Variants in DPP6 observed in about 807,000 individuals in gnomAD.
DPP6 encodes the protein dipeptidyl peptidase like 6.
Under a neutral mutation model 122.6 loss-of-function variants are expected in DPP6, and 69 were observed. The ratio of observed to expected loss-of-function variants is 0.56; its 90% CI spans 0.46 to 0.69. The LOEUF (loss-of-function observed/expected upper bound fraction) is 0.69. Ranked by LOEUF, DPP6 falls within the 30% of genes least tolerant of loss-of-function variation. The pLI is 0.00. For synonymous variants in DPP6, 418 were observed against 433.1 expected (o/e 0.97, Z 0.43); for missense variants, 928 against 1,116.9 (o/e 0.83, Z 2.41).
rs10228649 is a variant in DPP6, at chr7:154,818,017, T to G, written c.1666+10905T>G. On this transcript the variant is annotated intron_variant, in intron 16 of 25. Coordinates refer to ENST00000377770, the MANE Select transcript of DPP6 (RefSeq NM_130797.4). ...ACATGGTGAGACTTCAGATTCCATA[T>G]TATCCAAGATGACATACATTTGGAA... Among the ~76,000 whole-genome samples the G allele has an allele frequency of 8.9e-3, 1,362 of 152,294 alleles. 19 individuals carry two copies. Among genetic ancestry groups the G allele is most frequent in the African/African-American group, 0.031 (1,287 of 41,554 alleles).
intron 1 of DPP6, among the ~76,000 whole-genome samples, chr7:154,082,190 CTGAATAAATGAA>C (rs1388329000): frequency 3.9e-5 from 6 of 152,130 alleles, no homozygotes; most frequent in Non-Finnish European, 7.3e-5. Context: ...TCGACCATGG[CTGAATAAATGAA>C]TGAATAAACC....
intron 1 of DPP6, among the ~76,000 whole-genome samples, chr7:154,152,857 T>G (rs967040383): frequency 2.6e-5 from 4 of 152,224 alleles, no homozygotes; most frequent in Non-Finnish European, 5.9e-5. Flanking sequence ...AGCCCTTGAC[T>G]TGCCGGAGTT....
chr7:154,716,685 A>AAG (rs1339279437), intron 7 of DPP6, among the ~76,000 whole-genome samples: 1 of 134,288 alleles, frequency 7.4e-6, no homozygotes, highest in African/African-American at 3.8e-5. Context: ...TTTACTCAAA[A>AAG]AGAGAGCATT....
intron 1 of DPP6, among the ~76,000 whole-genome samples, chr7:154,272,968 A>T (rs990126900): frequency 1.7e-4 from 26 of 152,176 alleles, no homozygotes; most frequent in African/African-American, 6.3e-4. Context: ...TGACAGTGGG[A>T]TTCACACATT....
chr7:154,783,723 T>A (rs147398496), intron 10 of DPP6, among the ~76,000 whole-genome samples: 2 of 152,296 alleles, frequency 1.3e-5, no homozygotes, highest in African/African-American at 4.8e-5. Flanking sequence ...TTGACAGGCA[T>A]CTGCAGGTCC....
At chr7:154,673,979 A>G (rs1444838451) in intron 7 of DPP6, among the ~76,000 whole-genome samples, 2 of 151,686 alleles carry the variant, frequency 1.3e-5, no homozygotes, top group African/African-American at 4.8e-5. Context: ...GGGTTCAAGC[A>G]ATTTTCCTGC....
chr7:153,811,621 C>T, the DPP6 span, among the ~76,000 whole-genome samples: 11 of 151,852 alleles, frequency 7.2e-5, no homozygotes, highest in African/African-American at 2.7e-4. Context: ...ACCACAGAGG[C>T]ACAGGACACT....
At chr7:154,560,386 C>T (rs1392065325) in intron 4 of DPP6, among the ~76,000 whole-genome samples, 1 of 152,098 alleles carries the variant, frequency 6.6e-6, no homozygotes, top group Non-Finnish European at 1.5e-5. Flanking sequence ...TTAGAACTTT[C>T]TTGGACAATA....
At chr7:154,588,280 A>G in intron 5 of DPP6, 1 of 889,324 alleles carries the variant, frequency 1.1e-6, no homozygotes, top group Non-Finnish European at 1.6e-6. Context: ...GCAGCAATGG[A>G]CCCTCGTGAA....
At chr7:153,821,736 T>G in the DPP6 span, among the ~76,000 whole-genome samples, 2 of 136,202 alleles carry the variant, frequency 1.5e-5, no homozygotes, top group Non-Finnish European at 3.1e-5. Flanking sequence ...GTTCGCATTT[T>G]CATTTCCTAC....
At chr7:154,572,495 C>CTTT (rs1411417129) in intron 5 of DPP6, among the ~76,000 whole-genome samples, 1 of 100,704 alleles carries the variant, frequency 9.9e-6, no homozygotes, top group African/African-American at 3.7e-5. Flanking sequence ...ATATGAGTTT[C>CTTT]TTTTTTTTTC....
At chr7:153,857,364 A>G in the DPP6 span, among the ~76,000 whole-genome samples, 1 of 39,892 alleles carries the variant, frequency 2.5e-5, no homozygotes, top group Admixed American at 2.4e-4. Context: ...CTCTCTCAGC[A>G]TGTGTATATA....
intron 1 of DPP6, among the ~76,000 whole-genome samples, chr7:154,400,375 G>A (rs1295001517): frequency 6.6e-6 from 1 of 152,212 alleles, no homozygotes; most frequent in African/African-American, 2.4e-5. Context: ...AGTGACTTAT[G>A]AGGGACAATG....
the DPP6 span, among the ~76,000 whole-genome samples, chr7:153,865,094 A>G: frequency 6.2e-3 from 941 of 152,298 alleles, 9 homozygotes; most frequent in African/African-American, 0.021. Flanking sequence ...TGAAAAACTT[A>G]AAGCGATTTA....
At chr7:154,826,619 G>A (rs566580251) in intron 16 of DPP6, among the ~76,000 whole-genome samples, 17 of 152,256 alleles carry the variant, frequency 1.1e-4, no homozygotes, top group Non-Finnish European at 1.6e-4. Context: ...CCTTCTCCTC[G>A]GCACTGTTGT....
At chr7:154,505,934 T>G (rs1446455289) in intron 3 of DPP6, among the ~76,000 whole-genome samples, 1 of 152,158 alleles carries the variant, frequency 6.6e-6, no homozygotes, top group African/African-American at 2.4e-5. Context: ...TCTGTAGAAA[T>G]TACCTGGAAT....
intron 1 of DPP6, among the ~76,000 whole-genome samples, chr7:154,277,142 GT>G: frequency 6.6e-6 from 1 of 152,238 alleles, no homozygotes; most frequent in Non-Finnish European, 1.5e-5. Context: ...CTAGGAACAT[GT>G]GTGTCAGGCA....
chr7:154,262,604 G>C (rs1397534612), intron 1 of DPP6, among the ~76,000 whole-genome samples: 10 of 125,526 alleles, frequency 8.0e-5, no homozygotes, highest in Non-Finnish European at 1.7e-4. Flanking sequence ...TGGAAAGAGA[G>C]AACTCAAGGG....
At chr7:154,727,718 A>G (rs762184955) in intron 7 of DPP6, 49 bp from the exon 8 acceptor site, 1 of 1,545,968 alleles carries the variant, frequency 6.5e-7, no homozygotes, top group Non-Finnish European at 8.7e-7. Flanking sequence ...CAGCCTATTT[A>G]TAACCACTTC....
Sources: allele counts gnomAD v4.1 joint callset (sites outside exome capture counted in the v4.1 genomes callset), GRCh38; gene constraint gnomAD v4.1.1; transcripts MANE v1.5; gene names NCBI Gene and HGNC (gene_info 2026-07-23, HGNC 2026-07-21).